Variants in PLXNB1 observed in about 807,000 individuals in gnomAD.
PLXNB1 encodes the protein plexin B1.
PLXNB1 carries 106 observed loss-of-function variants against 209.4 expected under a neutral mutation model. That is an observed-to-expected ratio of 0.51 (90% CI 0.43 to 0.59). The LOEUF is 0.59. Ranked by LOEUF, PLXNB1 falls within the 20% of genes least tolerant of loss-of-function variation. The probability of loss-of-function intolerance (pLI) is 0.00; values close to 1 mark genes in which losing one functional copy is unlikely to be tolerated. For missense variants in PLXNB1, 2,357 were observed against 2,853.2 expected, an observed-to-expected ratio of 0.83 and a Z score of 3.96; for synonymous variants, 1,167 against 1,183.2, an observed-to-expected ratio of 0.99 and a Z score of 0.28.
Position 48,423,938 on chromosome 3 carries a change from C to G in PLXNB1, c.674G>C (p.Gly225Ala). The G allele has an allele frequency of 6.2e-7, 1 of 1,614,136 alleles. No individual in the cohort carries two copies. The highest frequency in any genetic ancestry group is 2.2e-5 in the East Asian group (1 of 44,892). Residue 225 changes from glycine to alanine, a missense_variant, in exon 3 of 38, where the codon GGG (glycine) becomes GCG (alanine). Gly to Ala is a moderately conservative substitution (Grantham distance 60). Coordinates refer to ENST00000296440, the MANE Select transcript of PLXNB1 (RefSeq NM_001130082.3). ...CAGGAACAGGAAGTAGGCGCTGGCC[C>G]CACGTGCAAAGGCACTCACGAAGTG... The part of the protein sequence containing the change: ...SHHFVSAFAR[G>A]ASAYFLFLRR...
chr3:48,419,932 T>C lies in PLXNB1; in HGVS notation c.2354A>G (p.Glu785Gly), dbSNP rs2038385920. Residue 785 changes from glutamate to glycine, a missense_variant, in exon 11 of 38, where the codon GAG becomes GGG. Glu to Gly is a moderately conservative substitution (Grantham distance 98). This residue lies in a region of PLXNB1 where 410 missense variants were observed against 401.0 expected (regional missense o/e 1.02). Transcript: ENST00000296440. This position sits in a 1 kb window ranked among gnomAD's most constrained non-coding sequence, Gnocchi z 5.7. ...PTDFRPSATP[E>G]DLLASPLSPS... ...TGACAGCGGGGAGGCCAAGAGGTCCTCAGGTGTGGCTGAGGGTCTGAAGTC... is the reference window on the plus strand; with the variant it reads ...TGACAGCGGGGAGGCCAAGAGGTCCCCAGGTGTGGCTGAGGGTCTGAAGTC... 6.4e-7 allele frequency: 1 copy of C among 1,571,350 alleles called. No individual in the cohort carries two copies.
chr3:48,428,117 T>C (rs953694320), intron 1 of PLXNB1, among the ~76,000 whole-genome samples: 1 of 152,148 alleles, frequency 6.6e-6, no homozygotes, highest in African/African-American at 2.4e-5. Flanking sequence ...GCTCCCTGTA[T>C]GGTGAACGAA....
Position 48,405,666 on chromosome 3 carries a change from T to TTAAGTCTCCTGGGAGGCCTTGGG in PLXNB1, c.6303+35_6303+57dup. ...ACGTGAGTCACAGGGTCAGAGCCCC[T>TTAAGTCTCCTGGGAGGCCTTGGG]TAAGTCTCCTGGGAGGCCTTGGGTC... is the stretch of plus-strand genomic sequence containing the variant. On this transcript the variant is annotated intron_variant, in intron 37 of 37. Transcript: ENST00000296440. The surrounding 1 kb of genome is among the most constrained non-coding windows in gnomAD (Gnocchi z 5.0). 1 of 1,379,152 alleles carries TTAAGTCTCCTGGGAGGCCTTGGG rather than the reference T, an allele frequency of 7.3e-7. No homozygotes were observed. Among genetic ancestry groups the TTAAGTCTCCTGGGAGGCCTTGGG allele is most frequent in the Non-Finnish European group, 1.0e-6 (1 of 974,882 alleles). The allele number at this position is 1,379,152 out of a possible 1,614,324, so 85.4% of individuals were successfully genotyped here.
At chr3:48,412,062 G>T in intron 27 of PLXNB1, 53 bp from the exon 28 acceptor site, 1 of 1,594,882 alleles carries the variant, frequency 6.3e-7, no homozygotes. Flanking sequence ...AGGTGTATGG[G>T]ACATGACGCA....
intron 6 of PLXNB1, 49 bp downstream of exon 6, chr3:48,422,056 G>A (rs748189687): frequency 4.7e-6 from 7 of 1,501,812 alleles, no homozygotes; most frequent in Non-Finnish European, 1.9e-6. Flanking sequence ...AATTATGCAG[G>A]AGCATTGTGG....
chr3:48,407,884 T>C (rs2037408740), intron 34 of PLXNB1, among the ~76,000 whole-genome samples: 1 of 152,246 alleles, frequency 6.6e-6, no homozygotes, highest in Non-Finnish European at 1.5e-5. Context: ...GGGTCTACCC[T>C]GGAGGTGGCC....
rs2037966805 is a variant in PLXNB1, at chr3:48,414,859, G to A, written c.4149C>T (p.Leu1383=). 1 of 1,614,008 alleles carries A rather than the reference G, an allele frequency of 6.2e-7. No homozygotes were observed. Among genetic ancestry groups the A allele is most frequent in the African/African-American group, 1.3e-5 (1 of 74,952 alleles). The change falls in exon 21 of 38, where the codon CTC becomes CTT. Residue 1383 remains leucine, a synonymous_variant. Coordinates refer to ENST00000296440, the MANE Select transcript of PLXNB1 (RefSeq NM_001130082.3). ...SYEADPTLQP[L]NPEDPTMPFR... ...ATGGCATGGTGGGGTCCTCAGGGTT[G>A]AGTGGCTGCAGGGTGGGGTCGGCCT...
chr3:48,419,170 C>G lies in PLXNB1; in HGVS notation c.2832+74G>C. 6.4e-7 allele frequency: 1 copy of G among 1,551,424 alleles called. No individual in the cohort carries two copies. The highest frequency in any genetic ancestry group is 8.7e-7 in the Non-Finnish European group (1 of 1,143,816). The stretch of plus-strand genomic sequence containing the variant: ...GCCCTCGGACTCTGCCCTCCTCCTG[C>G]TCCCCAGGGCTTGTGCAGAGTTTCT... On this transcript the variant is annotated intron_variant, in intron 12 of 37. Coordinates refer to ENST00000296440, the MANE Select transcript of PLXNB1 (RefSeq NM_001130082.3). This position sits in a 1 kb window ranked among gnomAD's most constrained non-coding sequence, Gnocchi z 5.7.
chr3:48,420,874 C>T lies in PLXNB1; in HGVS notation c.1893G>A (p.Ala631=), dbSNP rs34982808. ...KTSLSFYDCV[A]VTELRPSAQC... Reference sequence around the variant, plus strand: ...GCGCAGATGGGCGGAGTTCAGTGACCGCCACACAGTCATAGAAAGAGAGGG... The same window carrying T: ...GCGCAGATGGGCGGAGTTCAGTGACTGCCACACAGTCATAGAAAGAGAGGG... Residue 631 remains alanine, a synonymous_variant, in exon 9 of 38, where the codon GCG becomes GCA. Coordinates refer to ENST00000296440, the MANE Select transcript of PLXNB1 (RefSeq NM_001130082.3). 2.6e-3 allele frequency: 4,230 copies of T among 1,613,942 alleles called. 90 individuals carry two copies. The African/African-American group carries it at 0.046, about 18-fold the overall frequency.
intron 1 of PLXNB1, among the ~76,000 whole-genome samples, chr3:48,428,485 C>T (rs1398256386): frequency 2.0e-5 from 3 of 152,182 alleles, no homozygotes; most frequent in Non-Finnish European, 4.4e-5. Flanking sequence ...GCAAGCACCT[C>T]CCGGACCCCC....
Position 48,418,139 on chromosome 3 carries a change from C to A in PLXNB1, c.3222+52G>T. 1 of 1,608,812 alleles carries A rather than the reference C, an allele frequency of 6.2e-7. No individual in the cohort carries two copies. The highest frequency in any genetic ancestry group is 2.2e-5 in the East Asian group (1 of 44,786). ...AACCTCCCACCTTTGGGCCCCCACA[C>A]CCTCCCTCTAAGGGCAGCACTGAGG... On this transcript the variant is annotated intron_variant, in intron 15 of 37. Coordinates refer to ENST00000296440, the MANE Select transcript of PLXNB1 (RefSeq NM_001130082.3). The surrounding 1 kb of genome is among the most constrained non-coding windows in gnomAD (Gnocchi z 6.6).
chr3:48,413,139 A>G lies in PLXNB1; in HGVS notation c.4566T>C (p.Tyr1522=). Residue 1522 remains tyrosine (Y), a synonymous_variant, in exon 24 of 38, where the codon TAT becomes TAC. Coordinates refer to ENST00000296440, the MANE Select transcript of PLXNB1 (RefSeq NM_001130082.3). This position sits in a 1 kb window ranked among gnomAD's most constrained non-coding sequence, Gnocchi z 5.4. ...RRKSKQALRD[Y]KKVQIQLENL... is the part of the protein sequence containing the mutation. ...TCTCCAGCTGGATCTGAACCTTCTT[A>G]TAGTCCCTCAGGGCCTGCTTGCTCT... 2 of 1,613,386 alleles carry G rather than the reference A, an allele frequency of 1.2e-6. No homozygotes were observed. The highest frequency in any genetic ancestry group is 1.7e-6 in the Non-Finnish European group (2 of 1,179,950).
In PLXNB1 at chr3:48,411,977, A is replaced by T; in HGVS notation, c.5133T>A (p.Phe1711Leu). ...TATCCACTTGGTGCTTAATCCCTCG[A>T]AAGAGCATGTACAGAGGCTCCCCTA... ...DSVGEPLYMLFRGIKHQVDKG... is the reference protein window; with the variant it reads ...DSVGEPLYMLLRGIKHQVDKG... The change falls in exon 28 of 38, where the codon TTT becomes TTA. Residue 1711 changes from phenylalanine to leucine, a missense_variant. Physicochemically the swap from Phe to Leu is conservative, Grantham distance 22. This residue lies in a region of PLXNB1 where 65 missense variants were observed against 127.6 expected (regional missense o/e 0.51). Coordinates refer to ENST00000296440, the MANE Select transcript of PLXNB1 (RefSeq NM_001130082.3). This position sits in a 1 kb window ranked among gnomAD's most constrained non-coding sequence, Gnocchi z 4.0. 8.7e-6 allele frequency: 14 copies of T among 1,614,088 alleles called. No individual in the cohort carries two copies. Among genetic ancestry groups the T allele is most frequent in the Non-Finnish European group, 1.2e-5 (14 of 1,180,016 alleles).
chr3:48,405,882 TG>T lies in PLXNB1; in HGVS notation c.6229-85del. 2 of 1,103,690 alleles carry T rather than the reference TG, an allele frequency of 1.8e-6. No homozygotes were observed. The highest frequency in any genetic ancestry group is 1.4e-6 in the Non-Finnish European group (1 of 732,250). The allele number at this position is 1,103,690 out of a possible 1,614,324, so 68.4% of individuals were successfully genotyped here. On this transcript the variant is annotated intron_variant, in intron 36 of 37. Coordinates refer to ENST00000296440, the MANE Select transcript of PLXNB1 (RefSeq NM_001130082.3). The surrounding 1 kb of genome is among the most constrained non-coding windows in gnomAD (Gnocchi z 5.0). ...GCAGCCCAGGACCCCAGGGAAGGGC[TG>T]GGGGAGAAGGGGACCTGAGAGGTAG...
Position 48,420,682 on chromosome 3 carries a change from T to G in PLXNB1, c.2011A>C (p.Met671Leu). The change falls in exon 10 of 38, where the codon ATG becomes CTG. Residue 671 changes from methionine (M) to leucine (L), a missense_variant. Physicochemically the swap from Met to Leu is conservative, Grantham distance 15. Transcript: ENST00000296440. ...THKASCDAGP[M>L]VASHQSPLVS... ...ACACTCACCTGATGGCTTGCAACCATGGGCCCAGCATCACACGAGGCCTTG... is the reference window on the plus strand; with the variant it reads ...ACACTCACCTGATGGCTTGCAACCAGGGGCCCAGCATCACACGAGGCCTTG... The G allele has an allele frequency of 6.2e-7, 1 of 1,613,662 alleles. No individual in the cohort carries two copies. Among genetic ancestry groups the G allele is most frequent in the Non-Finnish European group, 8.5e-7 (1 of 1,179,862 alleles).
At chr3:48,423,018 C>A (rs2038636617) in intron 3 of PLXNB1, 71 bp from the exon 4 acceptor site, 9 of 1,366,684 alleles carry the variant, frequency 6.6e-6, no homozygotes, top group Non-Finnish European at 9.2e-6. Flanking sequence ...CCCTGGACAA[C>A]CTCATTCCCT....
Position 48,415,938 on chromosome 3 carries a change from C to A in PLXNB1, c.3617+93G>T. The stretch of plus-strand genomic sequence containing the variant: ...CACTCTCTGAAGGAGCAGACTGGCC[C>A]TCTTCCCCTTTCTGCTCTCCCCAGG... On this transcript the variant is annotated intron_variant, in intron 18 of 37. Transcript: ENST00000296440. The surrounding 1 kb of genome is among the most constrained non-coding windows in gnomAD (Gnocchi z 5.0). 1.4e-6 allele frequency: 2 copies of A among 1,454,084 alleles called. No individual in the cohort carries two copies. The highest frequency in any genetic ancestry group is 1.4e-5 in the African/African-American group (1 of 71,418). 90.1% of individuals were successfully genotyped at this position (1,454,084 alleles called of 1,614,324 possible). A position where few individuals can be genotyped will look rare whatever the true frequency, so the allele number is the denominator to read the frequency against.
At position 48,429,137 on chromosome 3, in the gene PLXNB1, A is replaced by G. The variant is rs1232057944; in HGVS notation, c.-60+871T>C. 1 of 151,970 alleles carries G rather than the reference A, an allele frequency of 6.6e-6. No individual in the cohort carries two copies. The highest frequency in any genetic ancestry group is 1.5e-5 in the Non-Finnish European group (1 of 68,000). The allele number at this position is 151,970 out of a possible 1,614,324, so 9.4% of individuals were successfully genotyped here. A position where few individuals can be genotyped will look rare whatever the true frequency, so the allele number is the denominator to read the frequency against. On this transcript the variant is annotated intron_variant, in intron 1 of 37. Coordinates refer to ENST00000296440, the MANE Select transcript of PLXNB1 (RefSeq NM_001130082.3). The surrounding 1 kb of genome is among the most constrained non-coding windows in gnomAD (Gnocchi z 6.4). ...GAGAAGTGTGGTCCCAACTCTCAAA[A>G]CCAAAGCCGCCCACCACTCACCCAG...
chr3:48,416,089 G>C lies in PLXNB1; in HGVS notation c.3559C>G (p.Leu1187Val). The C allele has an allele frequency of 6.2e-7, 1 of 1,601,472 alleles. No homozygotes were observed. Among genetic ancestry groups the C allele is most frequent in the Non-Finnish European group, 8.5e-7 (1 of 1,174,274 alleles). ...GTRLTLNGSK[L>V]LTGRLEDIRV... ...ATGTCCTCCAGCCGCCCAGTCAGGAGCTTGGAGCCATTCAGGGTGAGACGG... is the reference window on the plus strand; with the variant it reads ...ATGTCCTCCAGCCGCCCAGTCAGGACCTTGGAGCCATTCAGGGTGAGACGG... Residue 1187 changes from leucine to valine, a missense_variant, in exon 18 of 38, where the codon CTC becomes GTC. Around this residue, in one of 7 missense-constraint regions of PLXNB1, gnomAD observed 743 missense variants for 896.2 expected, o/e 0.83. Transcript: ENST00000296440. This position sits in a 1 kb window ranked among gnomAD's most constrained non-coding sequence, Gnocchi z 4.1.
Sources: allele counts gnomAD v4.1 joint callset (sites outside exome capture counted in the v4.1 genomes callset), GRCh38; gene constraint gnomAD v4.1.1; regional missense constraint gnomAD v4.1.1; non-coding constraint Gnocchi (gnomAD v3.1); transcripts MANE v1.5; gene names NCBI Gene and HGNC (gene_info 2026-07-23, HGNC 2026-07-21).